TMEM183A: variants seen among roughly 807,000 people sequenced by gnomAD.
The protein encoded by TMEM183A is chromosome 1 open reading frame 37.
A neutral mutation model predicts 46.7 loss-of-function variants in TMEM183A; 21 were observed. The observed-to-expected ratio is 0.45, with a 90% CI of 0.32 to 0.65. The LOEUF is 0.65. Among genes scored for constraint, TMEM183A ranks in the 30% least tolerant of loss-of-function variants. The pLI is 0.04. For synonymous variants in TMEM183A, 165 were observed against 180.2 expected (o/e 0.92, Z 0.68); for missense variants, 331 against 481.9 (o/e 0.69, Z 2.93).
chr1:203,022,955 G>C lies in TMEM183A; in HGVS notation c.1046G>C (p.Gly349Ala). The change falls in exon 8 of 8, where the codon GGT (glycine) becomes GCT (alanine). Residue 349 changes from glycine to alanine, a missense_variant. By Grantham distance (60) the Gly-to-Ala change is moderately conservative. Around this residue, in one of 2 missense-constraint regions of TMEM183A, gnomAD observed 233 missense variants for 385.8 expected, o/e 0.60. Coordinates refer to ENST00000367242, the MANE Select transcript of TMEM183A (RefSeq NM_138391.6). ...GGTCGGAAACTGCGCAGTGAACAGG[G>C]TGTGCAAGTCATCCTGGACCCAGTG... is the stretch of plus-strand genomic sequence containing the variant. ...HGGRKLRSEQ[G>A]VQVILDPVHS... 1 of 1,611,548 alleles carries C rather than the reference G, an allele frequency of 6.2e-7. No homozygotes were observed. Among genetic ancestry groups the C allele is most frequent in the Non-Finnish European group, 8.5e-7 (1 of 1,178,498 alleles).
At chr1:203,018,712 G>T (rs1657400422) in intron 6 of TMEM183A, 151 bp downstream of exon 6, 2 of 924,030 alleles carry the variant, frequency 2.2e-6, no homozygotes, top group Admixed American at 2.8e-5. Flanking sequence ...AGTTCTGGAG[G>T]CTGGGAAGTC....
chr1:203,012,235 T>TCTCACACACA lies in TMEM183A; in HGVS notation c.368-2653_368-2652insTCACACACAC, dbSNP rs370305350. Among the ~76,000 whole-genome samples, 5 of 80,790 alleles carry TCTCACACACA rather than the reference T, an allele frequency of 6.2e-5. 1 individual carries two copies. The highest frequency in any genetic ancestry group is 1.2e-4 in the Non-Finnish European group (5 of 42,156). The allele number at this position is 80,790 out of a possible 152,430, so 53.0% of individuals were successfully genotyped here. On this transcript the variant is annotated intron_variant, in intron 3 of 7. Transcript: ENST00000367242. ...ACTTCAACCATTACTCCCCACTCCATCACACACACACACACACACACACAC... is the reference window on the plus strand; with the variant it reads ...ACTTCAACCATTACTCCCCACTCCATCTCACACACACACACACACACACACACACACACAC...
Position 203,020,860 on chromosome 1 carries a change from C to G in TMEM183A, c.857C>G (p.Thr286Ser). 1 of 1,614,008 alleles carries G rather than the reference C, an allele frequency of 6.2e-7. No individual in the cohort carries two copies. The highest frequency in any genetic ancestry group is 8.5e-7 in the Non-Finnish European group (1 of 1,179,986). Residue 286 changes from threonine to serine, a missense_variant, in exon 7 of 8, where the codon ACC becomes AGC. Around this residue, in one of 2 missense-constraint regions of TMEM183A, gnomAD observed 233 missense variants for 385.8 expected, o/e 0.60. Transcript: ENST00000367242. ...CCCGTTCAGTACGAAGATGTTCATA[C>G]CAATCCAGACCAGGACTGCTGCCTA... The part of the protein sequence containing the change: ...QPPVQYEDVH[T>S]NPDQDCCLLQ...
At chr1:203,021,265 C>T (rs1657657655) in intron 7 of TMEM183A, among the ~76,000 whole-genome samples, 1 of 152,134 alleles carries the variant, frequency 6.6e-6, no homozygotes, top group Admixed American at 6.5e-5. Flanking sequence ...CTCCTAGCCT[C>T]AAGCAGTTCT....
At chr1:203,015,879 A>T in intron 4 of TMEM183A, 81 bp from the exon 5 acceptor site, 1 of 1,535,068 alleles carries the variant, frequency 6.5e-7, no homozygotes, top group Non-Finnish European at 8.8e-7. Flanking sequence ...AAGTTCATAC[A>T]GAGACCAGGA....
chr1:203,007,418 G>T lies in TMEM183A; in HGVS notation c.-48G>T. On this transcript the variant is annotated 5_prime_UTR_variant, in exon 1 of 8. Transcript: ENST00000367242. ...TCCGGTGTGGGATGGCCGCGGAGCCGGGCGGAGCTGGCTTGCGGCTCCCGG... is the reference window on the plus strand; with the variant it reads ...TCCGGTGTGGGATGGCCGCGGAGCCTGGCGGAGCTGGCTTGCGGCTCCCGG... The T allele has an allele frequency of 4.4e-6, 6 of 1,362,720 alleles. No homozygotes were observed. The highest frequency in any genetic ancestry group is 3.8e-6 in the Non-Finnish European group (4 of 1,056,588). The allele number at this position is 1,362,720 out of a possible 1,614,324, so 84.4% of individuals were successfully genotyped here.
At chr1:203,014,232 C>T (rs1193739321) in intron 3 of TMEM183A, among the ~76,000 whole-genome samples, 3 of 152,122 alleles carry the variant, frequency 2.0e-5, no homozygotes, top group South Asian at 2.1e-4. Context: ...GTAAAATGGG[C>T]GCAATAATAT....
chr1:203,012,055 G>GT (rs566090330), intron 3 of TMEM183A, among the ~76,000 whole-genome samples: 1 of 149,750 alleles, frequency 6.7e-6, no homozygotes, highest in African/African-American at 2.5e-5. Flanking sequence ...CTATTAAAAA[G>GT]TTTTTTTTCT....
chr1:203,010,351 TAAAAC>T (rs1339120658), intron 3 of TMEM183A, among the ~76,000 whole-genome samples: 3 of 152,166 alleles, frequency 2.0e-5, no homozygotes, highest in South Asian at 2.1e-4. Context: ...ATCCCAAAAT[TAAAAC>T]AGGTCGAGCA....
chr1:203,017,458 CTT>C (rs1657272407), intron 5 of TMEM183A, among the ~76,000 whole-genome samples: 1 of 152,086 alleles, frequency 6.6e-6, no homozygotes, highest in Non-Finnish European at 1.5e-5. Flanking sequence ...TCTTCATATT[CTT>C]ATCATTGTCT....
Position 203,014,900 on chromosome 1 carries a change from G to A in TMEM183A, c.379G>A (p.Gly127Arg), listed in dbSNP as rs200693489. ...TTTTTTTGTTTCAGAAGAACTGGACGGGGCTGGAGGAGAAGAGTATCCCAT... is the reference window on the plus strand; with the variant it reads ...TTTTTTTGTTTCAGAAGAACTGGACAGGGCTGGAGGAGAAGAGTATCCCAT... ...KSKRHKEELD[G>R]AGGEEYPMDI... Residue 127 changes from glycine to arginine, a missense_variant, in exon 4 of 8, where the codon GGG (glycine) becomes AGG (arginine). Gly to Arg is a moderately radical substitution (Grantham distance 125, BLOSUM62 -2). This residue lies in a region of TMEM183A where 233 missense variants were observed against 385.8 expected (regional missense o/e 0.60). Transcript: ENST00000367242. 1.0e-4 allele frequency: 162 copies of A among 1,613,402 alleles called. 1 individual carries two copies. Among genetic ancestry groups the A allele is most frequent in the Non-Finnish European group, 1.3e-4 (149 of 1,179,676 alleles).
intron 5 of TMEM183A, among the ~76,000 whole-genome samples, chr1:203,016,477 G>A (rs1176454579): frequency 1.3e-5 from 2 of 152,224 alleles, no homozygotes; most frequent in African/African-American, 4.8e-5. Context: ...GACGTATGCT[G>A]TAATTTTTAA....
Position 203,007,856 on chromosome 1 carries a change from G to T in TMEM183A, c.192G>T (p.Gln64His). ...AGAAAGCCGTAGCCAACGCTGTTCAGCAGGAAGGTAAGCTTTGCGCGAGCC... is the reference window on the plus strand; with the variant it reads ...AGAAAGCCGTAGCCAACGCTGTTCATCAGGAAGGTAAGCTTTGCGCGAGCC... ...RVKKAVANAV[Q>H]QEVKSLCGLE... Residue 64 changes from glutamine (Q) to histidine (H), a missense_variant, in exon 2 of 8, where the codon CAG becomes CAT. Gln to His is a conservative substitution (Grantham distance 24). Coordinates refer to ENST00000367242, the MANE Select transcript of TMEM183A (RefSeq NM_138391.6). 1 of 1,614,098 alleles carries T rather than the reference G, an allele frequency of 6.2e-7. No homozygotes were observed. Among genetic ancestry groups the T allele is most frequent in the Non-Finnish European group, 8.5e-7 (1 of 1,179,946 alleles).
chr1:203,018,430 AT>A (rs1469818179), intron 5 of TMEM183A, 50 bp from the exon 6 acceptor site: 6 of 1,570,942 alleles, frequency 3.8e-6, no homozygotes, highest in Non-Finnish European at 5.2e-6. Flanking sequence ...GTGTATTTTG[AT>A]TTTTTTCTTT....
intron 4 of TMEM183A, 114 bp from the exon 5 acceptor site, chr1:203,015,846 C>A: frequency 7.4e-7 from 1 of 1,345,122 alleles, no homozygotes; most frequent in Non-Finnish European, 1.0e-6. Flanking sequence ...AGGCTATCTA[C>A]TGGCCAGTGG....
chr1:203,013,075 A>G lies in TMEM183A; in HGVS notation c.368-1814A>G, dbSNP rs146172966. ...CTTCTCTTTCAAAGAGAGAAGAGGTAATGTGGGAGAAAGTGGGGCCTAGAC... is the reference window on the plus strand; with the variant it reads ...CTTCTCTTTCAAAGAGAGAAGAGGTGATGTGGGAGAAAGTGGGGCCTAGAC... On this transcript the variant is annotated intron_variant, in intron 3 of 7. Coordinates refer to ENST00000367242, the MANE Select transcript of TMEM183A (RefSeq NM_138391.6). This position sits in a 1 kb window ranked among gnomAD's most constrained non-coding sequence, Gnocchi z 4.0. Among the ~76,000 whole-genome samples, 1 of 152,328 alleles carries G rather than the reference A, an allele frequency of 6.6e-6. No individual in the cohort carries two copies. Among genetic ancestry groups the G allele is most frequent in the East Asian group, 1.9e-4 (1 of 5,194 alleles).
In TMEM183A at chr1:203,015,952, T is replaced by C. The variant is rs934511644; in HGVS notation, c.528-8T>C. On this transcript the variant is annotated splice_region_variant and splice_polypyrimidine_tract_variant and intron_variant, in intron 4 of 7. Coordinates refer to ENST00000367242, the MANE Select transcript of TMEM183A (RefSeq NM_138391.6). ...ACATATTGGTAGGAGTAATGTGTCATGTTTCAGGCACTACACGCTGGATGC... is the reference window on the plus strand; with the variant it reads ...ACATATTGGTAGGAGTAATGTGTCACGTTTCAGGCACTACACGCTGGATGC... 1 of 1,612,994 alleles carries C rather than the reference T, an allele frequency of 6.2e-7. No homozygotes were observed. Among genetic ancestry groups the C allele is most frequent in the African/African-American group, 1.3e-5 (1 of 75,010 alleles).
At position 203,016,088 on chromosome 1, in the gene TMEM183A, C is replaced by G. The variant is rs759000597; in HGVS notation, c.656C>G (p.Ser219Cys). 7 of 1,614,074 alleles carry G rather than the reference C, an allele frequency of 4.3e-6. No individual in the cohort carries two copies. Among genetic ancestry groups the G allele is most frequent in the Non-Finnish European group, 5.1e-6 (6 of 1,180,050 alleles). The stretch of plus-strand genomic sequence containing the variant: ...TATGAGCCATTTGCTGCTCGAATCT[C>G]CAAGAATCCAGCCATTCCAGAAAGC... The part of the protein sequence containing the change: ...HMYEPFAARI[S>C]KNPAIPESTP... Residue 219 changes from serine (S) to cysteine (C), a missense_variant, in exon 5 of 8, where the codon TCC becomes TGC. By Grantham distance (112) the Ser-to-Cys change is moderately radical. This residue lies in a region of TMEM183A where 233 missense variants were observed against 385.8 expected (regional missense o/e 0.60). Coordinates refer to ENST00000367242, the MANE Select transcript of TMEM183A (RefSeq NM_138391.6).
chr1:203,007,558 C>T lies in TMEM183A; in HGVS notation c.93C>T (p.Asp31=), dbSNP rs766364307. 46 of 1,547,922 alleles carry T rather than the reference C, an allele frequency of 3.0e-5. No individual in the cohort carries two copies. The highest frequency in any genetic ancestry group is 2.3e-5 in the South Asian group (2 of 85,268). The change falls in exon 1 of 8, where the codon GAC becomes GAT. Residue 31 remains aspartate, a synonymous_variant. Transcript: ENST00000367242. ...RGKRLKFRAH[D]ACSGRVTVAD... The stretch of plus-strand genomic sequence containing the variant: ...AGCGACTCAAGTTCCGGGCCCACGA[C>T]GCCTGCTCCGGCCGAGGTGGGCGAG...
Sources: gnomAD v4.1 joint callset for allele counts (sites outside exome capture counted in the v4.1 genomes callset) on GRCh38, gnomAD v4.1.1 for gene constraint, gnomAD v4.1.1 regional missense constraint, Gnocchi (gnomAD v3.1) non-coding constraint, MANE v1.5 for transcripts, NCBI Gene and HGNC (gene_info 2026-07-23, HGNC 2026-07-21) for gene names.